Variants in RPRD1B observed in about 807,000 individuals in gnomAD.
RPRD1B encodes the protein regulation of nuclear pre-mRNA domain containing 1B.
Under a neutral mutation model 41.5 loss-of-function variants are expected in RPRD1B, and 11 were observed. That is an observed-to-expected ratio of 0.27 (90% CI 0.17 to 0.44). The LOEUF (loss-of-function observed/expected upper bound fraction) is 0.44. Among genes scored for constraint, RPRD1B ranks in the 20% least tolerant of loss-of-function variants. The pLI is 1.00. For missense variants in RPRD1B, 248 were observed against 389.9 expected (o/e 0.64, Z 3.06); for synonymous variants, 158 against 155.6 (o/e 1.02, Z -0.12).
rs530033662 is a variant in RPRD1B, at chr20:38,049,339, T to C, written c.415+858T>C. Among the ~76,000 whole-genome samples the C allele has an allele frequency of 2.0e-5, 3 of 151,678 alleles. No homozygotes were observed. The East Asian group carries it at 5.8e-4, about 29-fold the overall frequency. ...GCAAAGCCCTTAATAAGAGCTTATA[T>C]TATTTTTTCTTTTTTCTTTCTTTTT... is the stretch of plus-strand genomic sequence containing the variant. On this transcript the variant is annotated intron_variant, in intron 3 of 6. Coordinates refer to ENST00000373433, the MANE Select transcript of RPRD1B (RefSeq NM_021215.4).
Position 38,092,261 on chromosome 20 carries a change from A to T in RPRD1B, c.*2386A>T. On this transcript the variant is annotated 3_prime_UTR_variant, in exon 7 of 7. Coordinates refer to ENST00000373433, the MANE Select transcript of RPRD1B (RefSeq NM_021215.4). ...TTTTCAAAGCTTAAATTTGTATATT[A>T]ATTTAGGACTATTTAGAAGTATAGG... 5.1e-6 allele frequency: 5 copies of T among 984,722 alleles called. No individual in the cohort carries two copies. The highest frequency in any genetic ancestry group is 3.6e-6 in the Non-Finnish European group (3 of 828,902). 61.0% of individuals were successfully genotyped at this position (984,722 alleles called of 1,614,324 possible).
chr20:38,038,043 C>G (rs1485882406), intron 1 of RPRD1B, among the ~76,000 whole-genome samples: 3 of 152,144 alleles, frequency 2.0e-5, no homozygotes, highest in African/African-American at 7.2e-5. Context: ...TTGCCATAAT[C>G]ATACCTTTGT....
intron 6 of RPRD1B, among the ~76,000 whole-genome samples, chr20:38,078,208 G>T (rs1719653818): frequency 6.6e-6 from 1 of 150,672 alleles, no homozygotes; most frequent in African/African-American, 2.4e-5. Context: ...TGCTGGCCTG[G>T]CCCCCTCCTG....
At chr20:38,082,058 C>T (rs1400274633) in intron 6 of RPRD1B, among the ~76,000 whole-genome samples, 1 of 152,178 alleles carries the variant, frequency 6.6e-6, no homozygotes, top group Non-Finnish European at 1.5e-5. Flanking sequence ...CAGAATGATG[C>T]TGGCTTCATA....
At chr20:38,070,738 A>G in intron 6 of RPRD1B, 1 of 891,770 alleles carries the variant, frequency 1.1e-6, no homozygotes, top group Non-Finnish European at 1.3e-6. Context: ...CTTAACTGTG[A>G]TTTTTTTTTT....
At chr20:38,078,732 ACTT>A (rs1480190255) in intron 6 of RPRD1B, among the ~76,000 whole-genome samples, 39 of 152,108 alleles carry the variant, frequency 2.6e-4, no homozygotes, top group Admixed American at 2.3e-3. Context: ...TGCTCGATGG[ACTT>A]CTTCTCACTA....
chr20:38,042,710 G>A (rs920942661), intron 2 of RPRD1B, among the ~76,000 whole-genome samples: 9 of 152,134 alleles, frequency 5.9e-5, no homozygotes, highest in African/African-American at 1.4e-4. Flanking sequence ...GATGCAGCTC[G>A]TCCACAGTAG....
intron 6 of RPRD1B, among the ~76,000 whole-genome samples, chr20:38,075,995 G>T (rs1027987540): frequency 1.6e-4 from 24 of 152,064 alleles, no homozygotes; most frequent in Admixed American, 7.2e-4. Context: ...CAATAACTTC[G>T]CAAACTTCAA....
intron 6 of RPRD1B, among the ~76,000 whole-genome samples, chr20:38,089,176 C>T (rs2074590066): frequency 6.6e-6 from 1 of 152,120 alleles, no homozygotes; most frequent in Admixed American, 6.5e-5. Flanking sequence ...GGAGGCCTAA[C>T]CAGGGACTTA....
Position 38,090,169 on chromosome 20 carries a change from T to C in RPRD1B, c.*294T>C. The C allele has an allele frequency of 6.4e-6, 7 of 1,086,052 alleles. No individual in the cohort carries two copies. The highest frequency in any genetic ancestry group is 7.8e-6 in the Non-Finnish European group (7 of 893,556). 67.3% of individuals were successfully genotyped at this position (1,086,052 alleles called of 1,614,324 possible). ...TTTTCCATTCTTAACTGTCTCCTTATACCTAAGAAGTTATGAAAATCATGT... is the reference window on the plus strand; with the variant it reads ...TTTTCCATTCTTAACTGTCTCCTTACACCTAAGAAGTTATGAAAATCATGT... On this transcript the variant is annotated 3_prime_UTR_variant, in exon 7 of 7. Transcript: ENST00000373433.
rs1399770764 is a variant in RPRD1B, at chr20:38,048,454, G to A, written c.388G>A (p.Glu130Lys). 6.2e-7 allele frequency: 1 copy of A among 1,612,480 alleles called. No individual in the cohort carries two copies. Among genetic ancestry groups the A allele is most frequent in the Non-Finnish European group, 8.5e-7 (1 of 1,178,694 alleles). ...EFIQQLKLSM[E>K]DSKSPPPKAT... is the part of the protein sequence containing the mutation. ...CATACAGCAGCTGAAGCTGTCTATG[G>A]AGGACTCCAAGAGCCCTCCCCCCAA... Residue 130 changes from glutamate to lysine, a missense_variant, in exon 3 of 7, where the codon GAG (glutamate) becomes AAG (lysine). Physicochemically the swap from Glu to Lys is moderately conservative, Grantham distance 56. Coordinates refer to ENST00000373433, the MANE Select transcript of RPRD1B (RefSeq NM_021215.4).
Position 38,089,905 on chromosome 20 carries a change from GT to G in RPRD1B, c.*31del. 6.2e-7 allele frequency: 1 copy of G among 1,604,664 alleles called. No individual in the cohort carries two copies. On this transcript the variant is annotated 3_prime_UTR_variant, in exon 7 of 7. Coordinates refer to ENST00000373433, the MANE Select transcript of RPRD1B (RefSeq NM_021215.4). ...GGTGTCATGTCCCAGATTTCTGTTT[GT>G]ACCAGCAGAAAGAAGAGGGCAAGTC... is the stretch of plus-strand genomic sequence containing the variant.
At chr20:38,052,185 G>T (rs984308141) in intron 3 of RPRD1B, among the ~76,000 whole-genome samples, 4 of 152,224 alleles carry the variant, frequency 2.6e-5, no homozygotes, top group African/African-American at 9.6e-5. Context: ...TTGAGATAAT[G>T]CAGGTAAGAT....
chr20:38,049,312 T>G lies in RPRD1B; in HGVS notation c.415+831T>G, dbSNP rs150860083. Among the ~76,000 whole-genome samples, 285 of 152,158 alleles carry G rather than the reference T, an allele frequency of 1.9e-3. 5 individuals carry two copies. Among genetic ancestry groups the G allele is most frequent in the East Asian group, 0.016 (82 of 5,176 alleles). ...TAGGAAGTGCATCTGTGTGTGAATT[T>G]TGCAAAGCCCTTAATAAGAGCTTAT... is the stretch of plus-strand genomic sequence containing the variant. On this transcript the variant is annotated intron_variant, in intron 3 of 6. Coordinates refer to ENST00000373433, the MANE Select transcript of RPRD1B (RefSeq NM_021215.4).
At chr20:38,052,252 A>G (rs1185164082) in intron 3 of RPRD1B, among the ~76,000 whole-genome samples, 1 of 152,234 alleles carries the variant, frequency 6.6e-6, no homozygotes, top group Non-Finnish European at 1.5e-5. Context: ...CTAGTATCTA[A>G]TGTGCTGAGT....
At chr20:38,057,255 T>C (rs772667274) in intron 3 of RPRD1B, among the ~76,000 whole-genome samples, 1 of 152,190 alleles carries the variant, frequency 6.6e-6, no homozygotes, top group African/African-American at 2.4e-5. Context: ...CTTACTCAAG[T>C]GTGATAGTTG....
chr20:38,070,667 G>T (rs1353596991), intron 6 of RPRD1B: 4 of 984,514 alleles, frequency 4.1e-6, no homozygotes, highest in Non-Finnish European at 4.8e-6. Flanking sequence ...GTGTGAGAAA[G>T]AAACCTATTT....
chr20:38,080,745 G>A (rs1374991243), intron 6 of RPRD1B, among the ~76,000 whole-genome samples: 9 of 152,042 alleles, frequency 5.9e-5, no homozygotes, highest in African/African-American at 1.9e-4. Context: ...GCCTGGTCTC[G>A]AACTCCTTAC....
chr20:38,068,892 C>T (rs1475108084), intron 6 of RPRD1B, among the ~76,000 whole-genome samples: 1 of 152,172 alleles, frequency 6.6e-6, no homozygotes, highest in Non-Finnish European at 1.5e-5. Flanking sequence ...TGGGGCAGTA[C>T]ATAAAGTTTA....
Sources: allele counts gnomAD v4.1 joint callset (sites outside exome capture counted in the v4.1 genomes callset), GRCh38; gene constraint gnomAD v4.1.1; transcripts MANE v1.5; gene names NCBI Gene and HGNC (gene_info 2026-07-23, HGNC 2026-07-21).